TSPEAR: variants seen among roughly 807,000 people sequenced by gnomAD.
The protein encoded by TSPEAR is thrombospondin type laminin G domain and EAR repeats.
In TSPEAR, 69 loss-of-function variants were observed where a neutral mutation model predicts 71.6. The ratio of observed to expected loss-of-function variants is 0.96; its 90% CI spans 0.79 to 1.18. The LOEUF (loss-of-function observed/expected upper bound fraction) is 1.18. TSPEAR is among the 50% of genes most tolerant of loss of function. The pLI is 0.00. For missense variants in TSPEAR, 971 were observed against 894.9 expected, an observed-to-expected ratio of 1.09 and a Z score of -1.09; for synonymous variants, 402 against 387.2, an observed-to-expected ratio of 1.04 and a Z score of -0.45.
At chr21:44,667,043 A>C (rs2146275746) in intron 1 of TSPEAR, 1 of 874,868 alleles carries the variant, frequency 1.1e-6, no homozygotes, top group East Asian at 2.7e-5. Flanking sequence ...CTGGAGCTTA[A>C]TTTTCTGTTG....
In TSPEAR at chr21:44,639,256, G is replaced by A. The variant is rs1361594702; in HGVS notation, c.83-71251C>T. 9.2e-5 allele frequency among the ~76,000 whole-genome samples: 14 copies of A among 152,264 alleles called. No individual in the cohort carries two copies. In the East Asian group the frequency reaches 1.7e-3, roughly 19 times the overall value. ...CCCTCAGCTCTGCCTGCCACCCTCC[G>A]TCCCAGATGCCACGTCGGGGAAGTG... is the stretch of plus-strand genomic sequence containing the variant. On this transcript the variant is annotated intron_variant, in intron 1 of 11. Transcript: ENST00000323084.
At chr21:44,538,273 C>T (rs192646093) in intron 2 of TSPEAR, among the ~76,000 whole-genome samples, 18 of 152,296 alleles carry the variant, frequency 1.2e-4, no homozygotes, top group Non-Finnish European at 2.1e-4. Flanking sequence ...TCCCCGCTGA[C>T]GGCCTTTCCC....
In TSPEAR at chr21:44,612,222, G is replaced by A; in HGVS notation, c.83-44217C>T. 1 of 1,613,846 alleles carries A rather than the reference G, an allele frequency of 6.2e-7. No homozygotes were observed. The stretch of plus-strand genomic sequence containing the variant: ...CCCAGCACCTGCACTGGCTCCTCCT[G>A]GCAGGTGGACAATTGCCAGGAAAGC... On this transcript the variant is annotated intron_variant, in intron 1 of 11. Coordinates refer to ENST00000323084, the MANE Select transcript of TSPEAR (RefSeq NM_144991.3). This position sits in a 1 kb window ranked among gnomAD's most constrained non-coding sequence, Gnocchi z 4.1.
chr21:44,547,260 T>G (rs917440849), intron 2 of TSPEAR, among the ~76,000 whole-genome samples: 1 of 152,244 alleles, frequency 6.6e-6, no homozygotes, highest in Non-Finnish European at 1.5e-5. Context: ...TTTATTGATA[T>G]TCTCTATTTG....
intron 11 of TSPEAR, among the ~76,000 whole-genome samples, chr21:44,503,650 A>G (rs2052105971): frequency 7.6e-6 from 1 of 132,390 alleles, no homozygotes; most frequent in Non-Finnish European, 1.6e-5. Flanking sequence ...CTTGGGGGGA[A>G]GCCGGCCTTG....
intron 2 of TSPEAR, among the ~76,000 whole-genome samples, chr21:44,553,774 T>C (rs1483356104): frequency 1.3e-5 from 2 of 151,992 alleles, no homozygotes; most frequent in African/African-American, 2.4e-5. Flanking sequence ...AGAACAGGCC[T>C]CTCACAGGCA....
chr21:44,647,089 G>C (rs782237768), intron 1 of TSPEAR: 4 of 1,613,422 alleles, frequency 2.5e-6, no homozygotes, highest in African/African-American at 2.7e-5. Context: ...CTGCTCTAGG[G>C]CTTCCTCTTC....
intron 1 of TSPEAR, among the ~76,000 whole-genome samples, chr21:44,689,662 G>A (rs183869067): frequency 3.5e-4 from 48 of 137,620 alleles, no homozygotes; most frequent in Admixed American, 1.1e-3. Context: ...TAAACAGAGA[G>A]GCTTGAAGGT....
At position 44,583,308 on chromosome 21, in the gene TSPEAR, ATTC is replaced by A. The variant is rs66956854; in HGVS notation, c.83-15306_83-15304del. 8.9e-3 allele frequency among the ~76,000 whole-genome samples: 1,359 copies of A among 152,252 alleles called. 23 individuals are homozygous for A. Among genetic ancestry groups the A allele is most frequent in the African/African-American group, 0.031 (1,295 of 41,520 alleles). ...TCTTCTGCAAGTGACACACGTTTGG[ATTC>A]TTCTTTTCCAAAATGTAGTCTTTTG... On this transcript the variant is annotated intron_variant, in intron 1 of 11. Transcript: ENST00000323084.
chr21:44,585,220 G>A (rs963780842), intron 1 of TSPEAR, among the ~76,000 whole-genome samples: 1 of 152,154 alleles, frequency 6.6e-6, no homozygotes, highest in African/African-American at 2.4e-5. Context: ...CCACAGCAGA[G>A]TCTAGGTGCA....
rs587702348 is a variant in TSPEAR, at chr21:44,506,054, C to A, written c.1755-1173G>T. 2.0e-5 allele frequency among the ~76,000 whole-genome samples: 3 copies of A among 152,282 alleles called. No homozygotes were observed. The highest frequency in any genetic ancestry group is 2.9e-5 in the Non-Finnish European group (2 of 68,020). On this transcript the variant is annotated intron_variant, in intron 10 of 11. Transcript: ENST00000323084. This position sits in a 1 kb window ranked among gnomAD's most constrained non-coding sequence, Gnocchi z 4.2. The stretch of plus-strand genomic sequence containing the variant: ...ATTGTGTCTTCAGCTGTGAGGTCAG[C>A]GGCCGTGAGGTCACTCCAGGAGGTG...
At chr21:44,597,485 G>T (rs1341562910) in intron 1 of TSPEAR, among the ~76,000 whole-genome samples, 3 of 150,018 alleles carry the variant, frequency 2.0e-5, no homozygotes, top group African/African-American at 4.9e-5. Context: ...CAGGCTGGAG[G>T]GCAGTGGTGC....
At chr21:44,569,275 T>C (rs457692) in intron 1 of TSPEAR, among the ~76,000 whole-genome samples, 150,833 of 152,156 alleles carry the variant, frequency 0.99, 74,790 homozygotes, top group Middle Eastern at 1. Context: ...CAGGGTGTGA[T>C]GGGCACTTCT....
chr21:44,703,033 G>A (rs1489963861), intron 1 of TSPEAR, among the ~76,000 whole-genome samples: 1 of 152,118 alleles, frequency 6.6e-6, no homozygotes, highest in Non-Finnish European at 1.5e-5. Context: ...TTCCCTGGTG[G>A]AATATTCCCC....
rs587718961 is a variant in TSPEAR, at chr21:44,562,151, A to G, written c.303+5634T>C. ...AGCAAAGTCTCAGCATGCAAAATCA[A>G]TGTGCAAAAATCACAAGCCTTCCTA... On this transcript the variant is annotated intron_variant, in intron 2 of 11. Coordinates refer to ENST00000323084, the MANE Select transcript of TSPEAR (RefSeq NM_144991.3). Among the ~76,000 whole-genome samples, 23 of 152,318 alleles carry G rather than the reference A, an allele frequency of 1.5e-4. No homozygotes were observed. In the South Asian group the frequency reaches 3.7e-3, roughly 25 times the overall value.
In TSPEAR at chr21:44,522,109, T is replaced by C; in HGVS notation, c.1340A>G (p.Asp447Gly). The change falls in exon 9 of 12, where the codon GAC becomes GGC. Residue 447 changes from aspartate (D) to glycine (G), a missense_variant. Coordinates refer to ENST00000323084, the MANE Select transcript of TSPEAR (RefSeq NM_144991.3). ...FLAVANHREGDNHNIDSVIYK... is the reference protein window; with the variant it reads ...FLAVANHREGGNHNIDSVIYK... Reference sequence around the variant, plus strand: ...GATGACACTGTCGATGTTGTGGTTGTCGCCTGGAACCAAGGGACTGTGCTG... The same window carrying C: ...GATGACACTGTCGATGTTGTGGTTGCCGCCTGGAACCAAGGGACTGTGCTG... 4 of 1,613,866 alleles carry C rather than the reference T, an allele frequency of 2.5e-6. No homozygotes were observed. The highest frequency in any genetic ancestry group is 1.6e-4 in the Middle Eastern group (1 of 6,062).
intron 1 of TSPEAR, among the ~76,000 whole-genome samples, chr21:44,622,279 T>C (rs1262042634): frequency 1.3e-5 from 2 of 152,178 alleles, no homozygotes; most frequent in Non-Finnish European, 2.9e-5. Context: ...TCCCATCTCA[T>C]TTTGGTTTTT....
intron 2 of TSPEAR, among the ~76,000 whole-genome samples, chr21:44,548,373 C>T (rs891836382): frequency 1.1e-4 from 17 of 152,146 alleles, no homozygotes; most frequent in African/African-American, 4.1e-4. Flanking sequence ...ATTATGTGTT[C>T]CCTTGACTGC....
chr21:44,530,121 A>G (rs2052937696), intron 4 of TSPEAR, among the ~76,000 whole-genome samples, 167 bp from the exon 5 acceptor site: 1 of 152,228 alleles, frequency 6.6e-6, no homozygotes, highest in African/African-American at 2.4e-5. Context: ...GTTACTGAGG[A>G]GGCCATGGGA....
Sources: gnomAD v4.1 joint callset for allele counts (sites outside exome capture counted in the v4.1 genomes callset) on GRCh38, gnomAD v4.1.1 for gene constraint, Gnocchi (gnomAD v3.1) non-coding constraint, MANE v1.5 for transcripts, NCBI Gene and HGNC (gene_info 2026-07-23, HGNC 2026-07-21) for gene names.